Variants in CELF2 observed in about 807,000 individuals in gnomAD.
The protein encoded by CELF2 is CUG triplet repeat RNA-binding protein 2.
CELF2 carries 8 observed loss-of-function variants against 62.6 expected under a neutral mutation model. The observed-to-expected ratio is 0.13, with a 90% CI of 0.07 to 0.23. CELF2 has a LOEUF of 0.23. Ranked by LOEUF, CELF2 falls within the 10% of genes least tolerant of loss-of-function variation. The probability of loss-of-function intolerance (pLI) is 1.00; values close to 1 mark genes in which losing one functional copy is unlikely to be tolerated. For synonymous variants in CELF2, 258 were observed against 250.0 expected (o/e 1.03, Z -0.30); for missense variants, 333 against 671.0 (o/e 0.50, Z 5.56).
the CELF2 span, among the ~76,000 whole-genome samples, chr10:10,565,369 T>C: frequency 6.8e-4 from 103 of 152,298 alleles, no homozygotes; most frequent in African/African-American, 2.4e-3. Flanking sequence ...ACGGCTCTCA[T>C]AAACCCACAG....
intron 1 of CELF2, among the ~76,000 whole-genome samples, chr10:11,059,436 C>T (rs975485300): frequency 6.6e-6 from 1 of 152,022 alleles, no homozygotes; most frequent in Non-Finnish European, 1.5e-5. Context: ...AACAGTTTCT[C>T]AGGGAAAATG....
At chr10:10,666,787 G>A in the CELF2 span, among the ~76,000 whole-genome samples, 18 of 121,884 alleles carry the variant, frequency 1.5e-4, no homozygotes, top group Non-Finnish European at 1.8e-4. Context: ...GCGTGAACCC[G>A]GGAGGCGGAG....
chr10:10,510,644 CT>C, the CELF2 span, among the ~76,000 whole-genome samples: 1 of 152,156 alleles, frequency 6.6e-6, no homozygotes, highest in Non-Finnish European at 1.5e-5. Flanking sequence ...TGTAATGCCC[CT>C]GTCCTCTTGG....
At chr10:10,479,419 G>A in the CELF2 span, among the ~76,000 whole-genome samples, 8 of 152,022 alleles carry the variant, frequency 5.3e-5, no homozygotes, top group Admixed American at 6.6e-5. Flanking sequence ...CACCTACCTC[G>A]ACCTCCCAAA....
At chr10:10,905,526 T>C (rs2063262118) in intron 1 of CELF2, among the ~76,000 whole-genome samples, 1 of 151,496 alleles carries the variant, frequency 6.6e-6, no homozygotes. Flanking sequence ...GGAGGTTCAC[T>C]TGAGGCCAGG....
the CELF2 span, among the ~76,000 whole-genome samples, chr10:10,482,282 A>G: frequency 6.6e-6 from 1 of 152,240 alleles, no homozygotes; most frequent in African/African-American, 2.4e-5. Context: ...CATAAAATGT[A>G]TAGAGTGTAT....
the CELF2 span, among the ~76,000 whole-genome samples, chr10:10,500,676 C>G: frequency 2.6e-5 from 4 of 152,100 alleles, no homozygotes; most frequent in Non-Finnish European, 5.9e-5. Flanking sequence ...TGAAAATGGA[C>G]TAATACACTA....
intron 1 of CELF2, among the ~76,000 whole-genome samples, chr10:10,860,347 C>A (rs2059981848): frequency 6.6e-6 from 1 of 152,072 alleles, no homozygotes; most frequent in Non-Finnish European, 1.5e-5. Flanking sequence ...TCTCTAGGAC[C>A]CACAGGTGTC....
the CELF2 span, among the ~76,000 whole-genome samples, chr10:10,635,331 C>T: frequency 6.6e-6 from 1 of 152,118 alleles, no homozygotes; most frequent in African/African-American, 2.4e-5. Context: ...TATTAAAGTC[C>T]AGTTCTTGAA....
chr10:10,749,981 T>A, the CELF2 span, among the ~76,000 whole-genome samples: 4 of 152,140 alleles, frequency 2.6e-5, no homozygotes, highest in Non-Finnish European at 5.9e-5. Context: ...TATAGAATGA[T>A]CTATCAAAAG....
the CELF2 span, among the ~76,000 whole-genome samples, chr10:10,775,869 A>G: frequency 2.0e-5 from 3 of 152,228 alleles, no homozygotes; most frequent in African/African-American, 7.2e-5. Flanking sequence ...TTTTCCTAAC[A>G]CGATGCCCTT....
intron 1 of CELF2, among the ~76,000 whole-genome samples, chr10:11,024,566 A>G (rs1216883650): frequency 6.6e-6 from 1 of 152,008 alleles, no homozygotes; most frequent in Non-Finnish European, 1.5e-5. Flanking sequence ...GCAGCATTAC[A>G]CTCCAGCCTG....
intron 2 of CELF2, among the ~76,000 whole-genome samples, chr10:10,992,123 A>G (rs978768557): frequency 6.6e-6 from 1 of 152,236 alleles, no homozygotes; most frequent in Non-Finnish European, 1.5e-5. Flanking sequence ...TGCTGCAATA[A>G]GGCCACATAC....
At chr10:10,690,227 TTG>T in the CELF2 span, among the ~76,000 whole-genome samples, 1 of 152,192 alleles carries the variant, frequency 6.6e-6, no homozygotes, top group Admixed American at 6.5e-5. Context: ...ACCTTTCCCT[TTG>T]TGACTGGTTC....
At chr10:10,650,736 T>G in the CELF2 span, among the ~76,000 whole-genome samples, 6 of 152,332 alleles carry the variant, frequency 3.9e-5, no homozygotes, top group East Asian at 1.2e-3. Context: ...CTAAAAATAG[T>G]AAAATGATGC....
At chr10:11,192,887 C>T (rs1998859) in intron 2 of CELF2, among the ~76,000 whole-genome samples, 96,999 of 151,578 alleles carry the variant, frequency 0.64, 31,538 homozygotes, top group Non-Finnish European at 0.69. Context: ...GTGATTCTAA[C>T]GTGCAGCCAA....
chr10:11,007,063 G>A (rs1420015192), intron 1 of CELF2, among the ~76,000 whole-genome samples: 2 of 152,170 alleles, frequency 1.3e-5, no homozygotes, highest in Non-Finnish European at 1.5e-5. Flanking sequence ...GTTGACTTCT[G>A]TGAAGAATAT....
the CELF2 span, among the ~76,000 whole-genome samples, chr10:10,737,297 T>C: frequency 1.3e-5 from 2 of 152,174 alleles, no homozygotes; most frequent in Non-Finnish European, 2.9e-5. Flanking sequence ...GTACTTTATA[T>C]TAGCCTTTTA....
At chr10:11,049,528 C>G (rs1467172175) in intron 1 of CELF2, among the ~76,000 whole-genome samples, 1 of 132,184 alleles carries the variant, frequency 7.6e-6, no homozygotes, top group African/African-American at 2.7e-5. Context: ...CTTTTTCTCC[C>G]AACTTATTTG....
Sources: gnomAD v4.1 joint callset for allele counts (sites outside exome capture counted in the v4.1 genomes callset) on GRCh38, gnomAD v4.1.1 for gene constraint, MANE v1.5 for transcripts, NCBI Gene and HGNC (gene_info 2026-07-23, HGNC 2026-07-21) for gene names.